Variants in PCDHGC3 observed in about 807,000 individuals in gnomAD.
PCDHGC3 encodes protocadherin gamma subfamily C, 3.
Under a neutral mutation model 59.2 loss-of-function variants are expected in PCDHGC3, and 26 were observed. The ratio of observed to expected loss-of-function variants is 0.44; its 90% CI spans 0.32 to 0.61. The LOEUF (loss-of-function observed/expected upper bound fraction) is 0.61. Among genes scored for constraint, PCDHGC3 ranks in the 20% least tolerant of loss-of-function variants. The probability of loss-of-function intolerance (pLI) is 0.05; values close to 1 mark genes in which losing one functional copy is unlikely to be tolerated. For missense variants in PCDHGC3, 1,080 were observed against 1,221.8 expected (o/e 0.88, Z 1.73); for synonymous variants, 487 against 519.7 (o/e 0.94, Z 0.86).
rs2099459345 is a variant in PCDHGC3, at chr5:141,478,485, G to C, written c.2369G>C (p.Arg790Pro). 2 of 1,613,204 alleles carry C rather than the reference G, an allele frequency of 1.2e-6. No homozygotes were observed. The highest frequency in any genetic ancestry group is 4.5e-5 in the East Asian group (2 of 44,884). ...CTGGCCAGCCGCCAGAACACGCTGCGGAGCTGTGATCCGGTGTTCTATAGG... is the reference window on the plus strand; with the variant it reads ...CTGGCCAGCCGCCAGAACACGCTGCCGAGCTGTGATCCGGTGTTCTATAGG... ...SPLASRQNTL[R>P]SCDPVFYRQV... The change falls in exon 1 of 4, where the codon CGG becomes CCG. Residue 790 changes from arginine (R) to proline (P), a missense_variant. Physicochemically the swap from Arg to Pro is moderately radical, Grantham distance 103. Coordinates refer to ENST00000308177, the MANE Select transcript of PCDHGC3 (RefSeq NM_002588.4).
rs527630741 is a variant in PCDHGC3, at chr5:141,493,568, G to A, written c.2431-1239G>A. ...TTGGAGATTGAGTTCCCCCAGCTCC[G>A]TTTCCTCCTATCACAATCACTGCAT... is the stretch of plus-strand genomic sequence containing the variant. On this transcript the variant is annotated intron_variant, in intron 1 of 3. Coordinates refer to ENST00000308177, the MANE Select transcript of PCDHGC3 (RefSeq NM_002588.4). This position sits in a 1 kb window ranked among gnomAD's most constrained non-coding sequence, Gnocchi z 4.3. 3.9e-5 allele frequency among the ~76,000 whole-genome samples: 6 copies of A among 152,250 alleles called. No homozygotes were observed. Among genetic ancestry groups the A allele is most frequent in the African/African-American group, 9.6e-5 (4 of 41,550 alleles).
rs552812176 is a variant in PCDHGC3, at chr5:141,497,407, A to G, written c.2489+2542A>G. Among the ~76,000 whole-genome samples, 43 of 152,204 alleles carry G rather than the reference A, an allele frequency of 2.8e-4. No individual in the cohort carries two copies. In the Middle Eastern group the frequency reaches 0.01, roughly 36 times the overall value. The stretch of plus-strand genomic sequence containing the variant: ...GCACCTTACCCCTGCCTCAACTCCC[A>G]TTCCATCAAATGAGAGGCTTAGTGG... On this transcript the variant is annotated intron_variant, in intron 2 of 3. Coordinates refer to ENST00000308177, the MANE Select transcript of PCDHGC3 (RefSeq NM_002588.4).
rs1374190670 is a variant in PCDHGC3 at position 141,487,196 on chromosome 5, G to C, written c.2431-7611G>C. ...GGAAGACACTCATCCAGTTGTCCCAGATCTTCGAGAATCTTCAGCTCCAAG... is the reference window on the plus strand; with the variant it reads ...GGAAGACACTCATCCAGTTGTCCCACATCTTCGAGAATCTTCAGCTCCAAG... On this transcript the variant is annotated intron_variant, in intron 1 of 3. Coordinates refer to ENST00000308177, the MANE Select transcript of PCDHGC3 (RefSeq NM_002588.4). The surrounding 1 kb of genome is among the most constrained non-coding windows in gnomAD (Gnocchi z 5.0). 6.2e-7 allele frequency: 1 copy of C among 1,613,878 alleles called. No homozygotes were observed. Among genetic ancestry groups the C allele is most frequent in the Admixed American group, 1.7e-5 (1 of 60,030 alleles).
In PCDHGC3 at chr5:141,512,859, CAT is replaced by C. The variant is rs1474518602; in HGVS notation, c.*1688_*1689del. 6.6e-6 allele frequency: 1 copy of C among 152,296 alleles called. No homozygotes were observed. The highest frequency in any genetic ancestry group is 1.9e-4 in the East Asian group (1 of 5,200). The allele number at this position is 152,296 out of a possible 1,614,324, so 9.4% of individuals were successfully genotyped here. A position where few individuals can be genotyped will look rare whatever the true frequency, so the allele number is the denominator to read the frequency against. On this transcript the variant is annotated 3_prime_UTR_variant, in exon 4 of 4. Transcript: ENST00000308177. ...CTTCTCCTATAAGCGCTTCTCTTCG[CAT>C]AGTCACGTAGCTCCCACCCCACCCT... is the stretch of plus-strand genomic sequence containing the variant.
intron 2 of PCDHGC3, among the ~76,000 whole-genome samples, chr5:141,500,768 A>C (rs2099802446): frequency 6.6e-6 from 1 of 152,180 alleles, no homozygotes; most frequent in African/African-American, 2.4e-5. Flanking sequence ...AACTCCTCTT[A>C]TGAATATACA....
At chr5:141,480,653 T>C (rs1214823403) in intron 1 of PCDHGC3, among the ~76,000 whole-genome samples, 2 of 152,190 alleles carry the variant, frequency 1.3e-5, no homozygotes, top group Admixed American at 1.3e-4. Context: ...TGGTTGCACA[T>C]TAAAATCACC....
Position 141,491,665 on chromosome 5 carries a change from C to T in PCDHGC3, c.2431-3142C>T, listed in dbSNP as rs749918160. 6.2e-7 allele frequency: 1 copy of T among 1,613,764 alleles called. No homozygotes were observed. The highest frequency in any genetic ancestry group is 8.5e-7 in the Non-Finnish European group (1 of 1,180,000). On this transcript the variant is annotated intron_variant, in intron 1 of 3. Transcript: ENST00000308177. The surrounding 1 kb of genome is among the most constrained non-coding windows in gnomAD (Gnocchi z 6.9). ...TCTGGCGCTGGAGCCTGACGCCATCCGGTCCCGCTCTAATACGCTGCGGGA... is the reference window on the plus strand; with the variant it reads ...TCTGGCGCTGGAGCCTGACGCCATCTGGTCCCGCTCTAATACGCTGCGGGA...
chr5:141,477,629 C>T lies in PCDHGC3; in HGVS notation c.1513C>T (p.Leu505=), dbSNP rs1191573380. 6.2e-7 allele frequency: 1 copy of T among 1,614,158 alleles called. No homozygotes were observed. Reference sequence around the variant, plus strand: ...CTTGGAGCAAGGAGCTGAAACCGGGCTAGTGGGTCGCTATTTCACAATAAA... The same window carrying T: ...CTTGGAGCAAGGAGCTGAAACCGGGTTAGTGGGTCGCTATTTCACAATAAA... ...FLLEQGAETG[L]VGRYFTINRD... Residue 505 remains leucine, a synonymous_variant, in exon 1 of 4, where the codon CTA becomes TTA. Coordinates refer to ENST00000308177, the MANE Select transcript of PCDHGC3 (RefSeq NM_002588.4). The surrounding 1 kb of genome is among the most constrained non-coding windows in gnomAD (Gnocchi z 4.9).
chr5:141,501,288 T>TATACACATAC (rs201660636), intron 2 of PCDHGC3, among the ~76,000 whole-genome samples: 2 of 81,228 alleles, frequency 2.5e-5, no homozygotes, highest in African/African-American at 9.9e-5. Flanking sequence ...GATATTCCCT[T>TATACACATAC]ATACACACAC....
chr5:141,491,178 C>T lies in PCDHGC3; in HGVS notation c.2431-3629C>T, dbSNP rs774139827. 6.2e-7 allele frequency: 1 copy of T among 1,614,146 alleles called. No individual in the cohort carries two copies. The highest frequency in any genetic ancestry group is 8.5e-7 in the Non-Finnish European group (1 of 1,179,992). On this transcript the variant is annotated intron_variant, in intron 1 of 3. Coordinates refer to ENST00000308177, the MANE Select transcript of PCDHGC3 (RefSeq NM_002588.4). The surrounding 1 kb of genome is among the most constrained non-coding windows in gnomAD (Gnocchi z 6.9). ...ACTCTGACACCCAGCAGGTGGTGGT[C>T]CTGGTGAGGGACAATGGTGACCCTT...
In PCDHGC3 at chr5:141,476,178, T is replaced by G; in HGVS notation, c.62T>G (p.Leu21Arg). Reference protein sequence around the residue: ...VSTGRVVGVLLLLGALNKAST... With the variant: ...VSTGRVVGVLRLLGALNKAST... Reference sequence around the variant, plus strand: ...ACCGGGAGGGTAGTGGGAGTTTTGCTTCTGCTTGGTGCCTTGAACAAGGCT... The same window carrying G: ...ACCGGGAGGGTAGTGGGAGTTTTGCGTCTGCTTGGTGCCTTGAACAAGGCT... Residue 21 changes from leucine (L) to arginine (R), a missense_variant, in exon 1 of 4, where the codon CTT (leucine) becomes CGT (arginine). Transcript: ENST00000308177. This position sits in a 1 kb window ranked among gnomAD's most constrained non-coding sequence, Gnocchi z 7.6. The G allele has an allele frequency of 3.1e-6, 5 of 1,613,632 alleles. No homozygotes were observed. Among genetic ancestry groups the G allele is most frequent in the Non-Finnish European group, 4.2e-6 (5 of 1,180,000 alleles).
rs767577725 is a variant in PCDHGC3, at chr5:141,485,642, G to C, written c.2430+7096G>C. On this transcript the variant is annotated intron_variant, in intron 1 of 3. Transcript: ENST00000308177. This position sits in a 1 kb window ranked among gnomAD's most constrained non-coding sequence, Gnocchi z 5.7. ...AGGACAGCGTTTCCCGTTGGAAAAGGCTCAGGATGCAGATGTGGGGAGCAA... is the reference window on the plus strand; with the variant it reads ...AGGACAGCGTTTCCCGTTGGAAAAGCCTCAGGATGCAGATGTGGGGAGCAA... 2 of 1,612,044 alleles carry C rather than the reference G, an allele frequency of 1.2e-6. No individual in the cohort carries two copies. The highest frequency in any genetic ancestry group is 8.5e-7 in the Non-Finnish European group (1 of 1,178,592).
intron 2 of PCDHGC3, among the ~76,000 whole-genome samples, chr5:141,500,985 C>T (rs2099804537): frequency 6.6e-6 from 1 of 152,048 alleles, no homozygotes; most frequent in Non-Finnish European, 1.5e-5. Flanking sequence ...TCTCCTGCCT[C>T]AGCCTCCTGA....
Position 141,476,758 on chromosome 5 carries a change from G to A in PCDHGC3, c.642G>A (p.Leu214=). Residue 214 remains leucine (L), a synonymous_variant, in exon 1 of 4, where the codon CTG becomes CTA. Transcript: ENST00000308177. The surrounding 1 kb of genome is among the most constrained non-coding windows in gnomAD (Gnocchi z 7.6). ...REREPSLQLV[L]TALDGGTPAL... is the part of the protein sequence containing the mutation. Reference sequence around the variant, plus strand: ...GGGAGCCTAGTCTCCAGTTAGTGCTGACGGCGTTGGACGGAGGGACCCCAG... The same window carrying A: ...GGGAGCCTAGTCTCCAGTTAGTGCTAACGGCGTTGGACGGAGGGACCCCAG... 1 of 1,613,868 alleles carries A rather than the reference G, an allele frequency of 6.2e-7. No homozygotes were observed. The highest frequency in any genetic ancestry group is 1.1e-5 in the South Asian group (1 of 91,086).
Position 141,491,755 on chromosome 5 carries a change from G to T in PCDHGC3, c.2431-3052G>T, listed in dbSNP as rs1402188587. 3 of 1,582,078 alleles carry T rather than the reference G, an allele frequency of 1.9e-6. No individual in the cohort carries two copies. Among genetic ancestry groups the T allele is most frequent in the Non-Finnish European group, 2.6e-6 (3 of 1,165,458 alleles). On this transcript the variant is annotated intron_variant, in intron 1 of 3. Coordinates refer to ENST00000308177, the MANE Select transcript of PCDHGC3 (RefSeq NM_002588.4). This position sits in a 1 kb window ranked among gnomAD's most constrained non-coding sequence, Gnocchi z 6.9. ...CCCTGGGGGCGGCACTGGAGAAGCC[G>T]CCCGTCCTCATAAGGGATTGAACTT...
chr5:141,482,736 C>T (rs897817817), intron 1 of PCDHGC3, among the ~76,000 whole-genome samples: 6 of 152,056 alleles, frequency 3.9e-5, no homozygotes, highest in African/African-American at 1.2e-4. Context: ...GCAAGAAATT[C>T]CATGCAGAGG....
chr5:141,501,228 A>G (rs1054674676), intron 2 of PCDHGC3, among the ~76,000 whole-genome samples: 10 of 149,588 alleles, frequency 6.7e-5, no homozygotes, highest in African/African-American at 2.5e-4. Context: ...TAGATTTCTC[A>G]GTTTTTTGAG....
chr5:141,489,151 A>G lies in PCDHGC3; in HGVS notation c.2431-5656A>G. On this transcript the variant is annotated intron_variant, in intron 1 of 3. Transcript: ENST00000308177. This position sits in a 1 kb window ranked among gnomAD's most constrained non-coding sequence, Gnocchi z 4.5. ...TTTTTAAGAGGCTGGAAGGAGACAT[A>G]AGAGACTTCAGCTGCTGCATTCCAA... is the stretch of plus-strand genomic sequence containing the variant. The G allele has an allele frequency of 4.3e-6, 4 of 932,968 alleles. No individual in the cohort carries two copies. Among genetic ancestry groups the G allele is most frequent in the Non-Finnish European group, 6.4e-6 (4 of 622,052 alleles). 57.8% of individuals were successfully genotyped at this position (932,968 alleles called of 1,614,324 possible).
Position 141,491,722 on chromosome 5 carries a change from CG to C in PCDHGC3, c.2431-3082del. Reference sequence around the variant, plus strand: ...CCAGGTGAGGGGCTCGGCGCCGCCCCGGGCGACCCCTGGGGGCGGCACTGGA... The same window carrying C: ...CCAGGTGAGGGGCTCGGCGCCGCCCCGGCGACCCCTGGGGGCGGCACTGGA... On this transcript the variant is annotated intron_variant, in intron 1 of 3. Transcript: ENST00000308177. The surrounding 1 kb of genome is among the most constrained non-coding windows in gnomAD (Gnocchi z 6.9). The C allele has an allele frequency of 1.2e-6, 2 of 1,607,004 alleles. No homozygotes were observed. Among genetic ancestry groups the C allele is most frequent in the Non-Finnish European group, 1.7e-6 (2 of 1,177,148 alleles).
Sources: allele counts gnomAD v4.1 joint callset (sites outside exome capture counted in the v4.1 genomes callset), GRCh38; gene constraint gnomAD v4.1.1; non-coding constraint Gnocchi (gnomAD v3.1); transcripts MANE v1.5; gene names NCBI Gene and HGNC (gene_info 2026-07-23, HGNC 2026-07-21).